Variants in ZC3H13 observed in about 807,000 individuals in gnomAD.
ZC3H13 encodes zinc finger CCCH domain-containing protein 13.
In ZC3H13, 64 loss-of-function variants were observed where a neutral mutation model predicts 204.1. That is an observed-to-expected ratio of 0.31 (90% CI 0.26 to 0.39). ZC3H13 has a LOEUF of 0.39. Among genes scored for constraint, ZC3H13 ranks in the 10% least tolerant of loss-of-function variants. The probability of loss-of-function intolerance (pLI) is 1.00; values close to 1 mark genes in which losing one functional copy is unlikely to be tolerated. For synonymous variants in ZC3H13, 667 were observed against 693.7 expected (o/e 0.96, Z 0.60); for missense variants, 1,833 against 2,082.7 (o/e 0.88, Z 2.33).
chr13:45,962,582 T>C, intron 17 of ZC3H13: 2 of 985,088 alleles, frequency 2.0e-6, no homozygotes, highest in Non-Finnish European at 1.2e-6. Flanking sequence ...TTAATACACG[T>C]TAACAATTAT....
At chr13:45,962,838 A>G in intron 17 of ZC3H13, 2 of 985,144 alleles carry the variant, frequency 2.0e-6, no homozygotes, top group Non-Finnish European at 2.4e-6. Flanking sequence ...TTTACCATCT[A>G]CTCGTCCCTC....
intron 4 of ZC3H13, among the ~76,000 whole-genome samples, chr13:46,031,306 T>C (rs9534288): frequency 0.77 from 117,444 of 151,974 alleles, 45,755 homozygotes; most frequent in African/African-American, 0.86. Flanking sequence ...AAATGGATCA[T>C]AGATCTTAAT....
Position 46,045,460 on chromosome 13 carries a change from T to C in ZC3H13, c.48A>G (p.Ile16Met). ...TGGGTCTTCGGGATGTGCTATCAGA[T>C]ATAGTCTTGGTATTTTCCACTGTGA... is the stretch of plus-strand genomic sequence containing the variant. The part of the protein sequence containing the change: ...RKVTVENTKT[I>M]SDSTSRRPSV... The change falls in exon 2 of 19, where the codon ATA becomes ATG. Residue 16 changes from isoleucine (I) to methionine (M), a missense_variant. By Grantham distance (10) the Ile-to-Met change is conservative. This residue lies in a region of ZC3H13 where 24 missense variants were observed against 27.6 expected (regional missense o/e 0.87). Transcript: ENST00000679008. The C allele has an allele frequency of 6.2e-7, 1 of 1,614,136 alleles. No individual in the cohort carries two copies. The highest frequency in any genetic ancestry group is 1.7e-5 in the Admixed American group (1 of 60,022).
chr13:45,968,991 C>G lies in ZC3H13; in HGVS notation c.3553G>C (p.Asp1185His). ...CCGAGGCTGCTGCTCCTCTTTTGATCCATAGGCTTGCGATGCTGTGCATCT... is the reference window on the plus strand; with the variant it reads ...CCGAGGCTGCTGCTCCTCTTTTGATGCATAGGCTTGCGATGCTGTGCATCT... Reference protein sequence around the residue: ...IEDAQHRKPMDQKRSSSLGSN... With the variant: ...IEDAQHRKPMHQKRSSSLGSN... Residue 1185 changes from aspartate (D) to histidine (H), a missense_variant, in exon 14 of 19, where the codon GAT (aspartate) becomes CAT (histidine). Physicochemically the swap from Asp to His is moderately conservative, Grantham distance 81. Coordinates refer to ENST00000679008, the MANE Select transcript of ZC3H13 (RefSeq NM_001330564.2). The G allele has an allele frequency of 6.2e-7, 1 of 1,614,238 alleles. No individual in the cohort carries two copies. The highest frequency in any genetic ancestry group is 8.5e-7 in the Non-Finnish European group (1 of 1,180,044).
chr13:45,984,428 G>T (rs150056249), intron 10 of ZC3H13, among the ~76,000 whole-genome samples: 1 of 152,172 alleles, frequency 6.6e-6, no homozygotes, highest in African/African-American at 2.4e-5. Context: ...ATAAAAAATA[G>T]AGGATACACA....
Position 45,969,842 on chromosome 13 carries a change from C to G in ZC3H13, c.2702G>C (p.Ser901Thr), listed in dbSNP as rs965865156. 6.2e-7 allele frequency: 1 copy of G among 1,613,884 alleles called. No individual in the cohort carries two copies. The highest frequency in any genetic ancestry group is 1.3e-5 in the African/African-American group (1 of 74,922). ...TTCCTGTTCTTCGTAGCGCCTTGAACTCTCTTTCCTTTCTGGTTTACGATC... is the reference window on the plus strand; with the variant it reads ...TTCCTGTTCTTCGTAGCGCCTTGAAGTCTCTTTCCTTTCTGGTTTACGATC... ...EEDRKPERKE[S>T]SRRYEEQELK... The change falls in exon 14 of 19, where the codon AGT becomes ACT. Residue 901 changes from serine to threonine, a missense_variant. Transcript: ENST00000679008.
At chr13:46,005,892 C>T (rs919687145) in intron 7 of ZC3H13, among the ~76,000 whole-genome samples, 1 of 151,848 alleles carries the variant, frequency 6.6e-6, no homozygotes, top group Admixed American at 6.6e-5. Flanking sequence ...GTCAGGAGTT[C>T]GAGACCAGCA....
At chr13:45,986,482 C>G (rs866586203) in intron 9 of ZC3H13, among the ~76,000 whole-genome samples, 11 of 152,250 alleles carry the variant, frequency 7.2e-5, no homozygotes, top group Admixed American at 2.6e-4. Context: ...TAAATACTTG[C>G]ACTTTTTAAA....
chr13:46,024,046 TA>T (rs1402977168), intron 4 of ZC3H13, among the ~76,000 whole-genome samples: 1 of 152,192 alleles, frequency 6.6e-6, no homozygotes, highest in Non-Finnish European at 1.5e-5. Context: ...AGAATGGGAT[TA>T]TTCTAACTGG....
Position 45,969,567 on chromosome 13 carries a change from A to T in ZC3H13, c.2977T>A (p.Ser993Thr). The T allele has an allele frequency of 2.5e-6, 4 of 1,609,240 alleles. No homozygotes were observed. Among genetic ancestry groups the T allele is most frequent in the Non-Finnish European group, 2.5e-6 (3 of 1,178,866 alleles). Residue 993 changes from serine (S) to threonine (T), a missense_variant, in exon 14 of 19, where the codon TCA (serine) becomes ACA (threonine). By Grantham distance (58) the Ser-to-Thr change is moderately conservative. This residue lies in a region of ZC3H13 where 1,574 missense variants were observed against 1,757.2 expected (regional missense o/e 0.90). Transcript: ENST00000679008. ...TTCTTTTTCTGTCCTTTTTTTGGTGAAAATACTTGACCATCTTCAGATGTT... is the reference window on the plus strand; with the variant it reads ...TTCTTTTTCTGTCCTTTTTTTGGTGTAAATACTTGACCATCTTCAGATGTT... ...ETTSEDGQVFSPKKGQKKKSI... is the reference protein window; with the variant it reads ...ETTSEDGQVFTPKKGQKKKSI...
At chr13:45,962,147 A>G (rs905432181) in intron 17 of ZC3H13, 1 of 985,016 alleles carries the variant, frequency 1.0e-6, no homozygotes, top group Non-Finnish European at 1.2e-6. Flanking sequence ...GCAATAGCAG[A>G]AAATATAGAT....
chr13:46,052,007 A>AAAAAAAAC (rs2044476259), intron 1 of ZC3H13: 3 of 151,732 alleles, frequency 2.0e-5, no homozygotes, highest in African/African-American at 7.3e-5. Context: ...AAAAAAAAAA[A>AAAAAAAAC]AACAAGACCA....
chr13:45,991,343 A>T (rs1311054984), intron 8 of ZC3H13, among the ~76,000 whole-genome samples: 2 of 152,208 alleles, frequency 1.3e-5, no homozygotes, highest in Non-Finnish European at 2.9e-5. Flanking sequence ...GGAAGAAAAA[A>T]CTTCAAACTT....
In ZC3H13 at chr13:45,963,158, G is replaced by A. The variant is rs980381648; in HGVS notation, c.4675+684C>T. On this transcript the variant is annotated intron_variant, in intron 17 of 18. Transcript: ENST00000679008. ...TGATTATTCCTGACTTACAGATGAT[G>A]ACACTAACACACAGATTAAGTAATA... 13 of 965,614 alleles carry A rather than the reference G, an allele frequency of 1.3e-5. No individual in the cohort carries two copies. The African/African-American group carries it at 1.9e-4, about 14-fold the overall frequency. 59.8% of individuals were successfully genotyped at this position (965,614 alleles called of 1,614,324 possible).
chr13:46,020,426 T>A, intron 5 of ZC3H13, 23 bp downstream of exon 5: 1 of 1,578,400 alleles, frequency 6.3e-7, no homozygotes, highest in African/African-American at 1.4e-5. Context: ...ATTCGCCATT[T>A]AAACCAAGAT....
intron 4 of ZC3H13, among the ~76,000 whole-genome samples, chr13:46,026,819 A>C (rs1353691580): frequency 6.6e-6 from 1 of 152,196 alleles, no homozygotes; most frequent in Non-Finnish European, 1.5e-5. Context: ...ATGAGAACTT[A>C]CAGCATTAAA....
At chr13:46,001,815 TTACATG>T in intron 8 of ZC3H13, among the ~76,000 whole-genome samples, 1 of 151,276 alleles carries the variant, frequency 6.6e-6, no homozygotes, top group African/African-American at 2.4e-5. Flanking sequence ...CCAAAAACAT[TTACATG>T]TAATTTTCAC....
chr13:45,958,862 G>A (rs1951474462), intron 18 of ZC3H13, among the ~76,000 whole-genome samples: 2 of 151,960 alleles, frequency 1.3e-5, no homozygotes, highest in South Asian at 4.2e-4. Context: ...CATTGTATTA[G>A]CCAGGATGGT....
chr13:45,983,444 T>TTTTTTA (rs1393643732), intron 10 of ZC3H13, among the ~76,000 whole-genome samples: 1 of 114,306 alleles, frequency 8.7e-6, no homozygotes, highest in East Asian at 2.6e-4. Flanking sequence ...TTTTTTTTTT[T>TTTTTTA]GAGACGGAGT....
Sources: allele counts gnomAD v4.1 joint callset (sites outside exome capture counted in the v4.1 genomes callset), GRCh38; gene constraint gnomAD v4.1.1; regional missense constraint gnomAD v4.1.1; transcripts MANE v1.5; gene names NCBI Gene and HGNC (gene_info 2026-07-23, HGNC 2026-07-21).